DPP6: variants seen among roughly 807,000 people sequenced by gnomAD.
DPP6 encodes dipeptidyl peptidase like 6.
In DPP6, 69 loss-of-function variants were observed where a neutral mutation model predicts 122.6. The observed-to-expected ratio is 0.56, with a 90% CI of 0.46 to 0.69. The LOEUF (loss-of-function observed/expected upper bound fraction) is 0.69, where lower values mean the gene tolerates loss of function less well. Among genes scored for constraint, DPP6 ranks in the 30% least tolerant of loss-of-function variants. The probability of loss-of-function intolerance (pLI) is 0.00; values close to 1 mark genes in which losing one functional copy is unlikely to be tolerated. For synonymous variants in DPP6, 418 were observed against 433.1 expected (o/e 0.97, Z 0.43); for missense variants, 928 against 1,116.9 (o/e 0.83, Z 2.41).
chr7:153,995,713 G>A (rs182048246), intron 1 of DPP6, among the ~76,000 whole-genome samples: 1 of 152,000 alleles, frequency 6.6e-6, no homozygotes, highest in East Asian at 1.9e-4. Flanking sequence ...ATGTGCTATC[G>A]GCATATATTG....
At chr7:153,913,036 A>G (rs1800155347) in intron 1 of DPP6, among the ~76,000 whole-genome samples, 1 of 152,128 alleles carries the variant, frequency 6.6e-6, no homozygotes, top group African/African-American at 2.4e-5. Flanking sequence ...AACTGTGTGT[A>G]AAGGTTTTTA....
chr7:153,865,110 A>G, the DPP6 span, among the ~76,000 whole-genome samples: 1 of 152,174 alleles, frequency 6.6e-6, no homozygotes, highest in Admixed American at 6.5e-5. Context: ...ATTTACCAGC[A>G]TCTTACATGT....
At chr7:154,588,086 C>G (rs1052182616) in intron 5 of DPP6, 1 of 1,598,874 alleles carries the variant, frequency 6.3e-7, no homozygotes, top group Admixed American at 1.7e-5. Context: ...ACCGAGTGAG[C>G]CTTGCAGCCT....
At chr7:154,644,466 T>G (rs942855315) in intron 6 of DPP6, among the ~76,000 whole-genome samples, 3 of 152,170 alleles carry the variant, frequency 2.0e-5, no homozygotes, top group African/African-American at 7.2e-5. Flanking sequence ...CTGTAGGTAG[T>G]GAGTTCAGGA....
chr7:154,748,744 C>T (rs1001676675), intron 8 of DPP6, among the ~76,000 whole-genome samples: 2 of 152,160 alleles, frequency 1.3e-5, no homozygotes, highest in East Asian at 1.9e-4. Context: ...CTTTTGCTCA[C>T]GGTGTCCAGC....
chr7:154,823,433 G>A (rs1470791525), intron 16 of DPP6, among the ~76,000 whole-genome samples: 1 of 152,132 alleles, frequency 6.6e-6, no homozygotes, highest in Non-Finnish European at 1.5e-5. Context: ...CACAGTAAAT[G>A]GGTCTGAATG....
intron 1 of DPP6, among the ~76,000 whole-genome samples, chr7:154,248,240 T>G (rs1802116862): frequency 6.6e-6 from 1 of 152,154 alleles, no homozygotes; most frequent in African/African-American, 2.4e-5. Flanking sequence ...AACCTAGGAA[T>G]TTTGATGGGG....
intron 3 of DPP6, among the ~76,000 whole-genome samples, chr7:154,536,112 A>G (rs764902854): frequency 6.6e-6 from 1 of 152,244 alleles, no homozygotes. Flanking sequence ...CCTTTGTAGT[A>G]TAAGGGAATG....
intron 1 of DPP6, among the ~76,000 whole-genome samples, chr7:154,401,739 T>C (rs1376795939): frequency 6.6e-6 from 1 of 151,976 alleles, no homozygotes; most frequent in African/African-American, 2.4e-5. Flanking sequence ...AAGCCAAAAT[T>C]GACAAATGGG....
intron 7 of DPP6, among the ~76,000 whole-genome samples, chr7:154,684,056 A>G (rs1182235360): frequency 2.6e-5 from 4 of 151,886 alleles, no homozygotes; most frequent in African/African-American, 9.7e-5. Context: ...TTTTGTAGAG[A>G]TGGGGGTCTC....
At chr7:154,848,172 T>A (rs1802091616) in intron 16 of DPP6, among the ~76,000 whole-genome samples, 1 of 152,208 alleles carries the variant, frequency 6.6e-6, no homozygotes, top group Non-Finnish European at 1.5e-5. Flanking sequence ...TTCAATTCCT[T>A]TGGATCTTTA....
intron 5 of DPP6, among the ~76,000 whole-genome samples, chr7:154,627,571 G>A (rs1835165988): frequency 6.6e-6 from 1 of 152,168 alleles, no homozygotes; most frequent in Non-Finnish European, 1.5e-5. Context: ...GGCAAGGAGT[G>A]CAGAAATGTT....
chr7:154,482,818 A>G (rs1823427174), intron 3 of DPP6, among the ~76,000 whole-genome samples: 1 of 152,108 alleles, frequency 6.6e-6, no homozygotes, highest in Admixed American at 6.5e-5. Flanking sequence ...AGGAGGTGGT[A>G]GTGTATAGAA....
intron 1 of DPP6, among the ~76,000 whole-genome samples, chr7:154,348,926 G>A (rs1810614737): frequency 6.6e-6 from 1 of 152,152 alleles, no homozygotes. Flanking sequence ...AAAGTAAAGG[G>A]ACTATGACAA....
intron 21 of DPP6, among the ~76,000 whole-genome samples, chr7:154,883,053 TCACA>T (rs1805537223): frequency 2.9e-5 from 2 of 69,000 alleles, no homozygotes; most frequent in Admixed American, 1.3e-4. Context: ...ACACACATGC[TCACA>T]CATTCACACA....
intron 1 of DPP6, among the ~76,000 whole-genome samples, chr7:154,079,407 G>A (rs921381830): frequency 1.2e-4 from 18 of 152,202 alleles, no homozygotes; most frequent in African/African-American, 4.3e-4. Context: ...GTGGAGAAAA[G>A]TTAAGTACTG....
At chr7:154,465,139 A>G (rs1821670619) in intron 2 of DPP6, among the ~76,000 whole-genome samples, 1 of 145,844 alleles carries the variant, frequency 6.9e-6, no homozygotes, top group Non-Finnish European at 1.5e-5. Flanking sequence ...TGTGGAAAGC[A>G]AAACCATGGG....
intron 1 of DPP6, among the ~76,000 whole-genome samples, chr7:154,245,723 A>T (rs549104542): frequency 6.6e-6 from 1 of 152,158 alleles, no homozygotes; most frequent in South Asian, 2.1e-4. Context: ...AAAGAGAGAT[A>T]TCTGATAATA....
At chr7:154,307,099 G>T (rs1325109322) in intron 1 of DPP6, among the ~76,000 whole-genome samples, 2 of 152,084 alleles carry the variant, frequency 1.3e-5, no homozygotes, top group Non-Finnish European at 2.9e-5. Flanking sequence ...GTCTACACCC[G>T]ATACACCCAA....
Sources: gnomAD v4.1 joint callset for allele counts (sites outside exome capture counted in the v4.1 genomes callset) on GRCh38, gnomAD v4.1.1 for gene constraint, MANE v1.5 for transcripts, NCBI Gene and HGNC (gene_info 2026-07-23, HGNC 2026-07-21) for gene names.